PCDH15: variants seen among roughly 807,000 people sequenced by gnomAD.
PCDH15 encodes the protein protocadherin-15.
PCDH15 carries 129 observed loss-of-function variants against 178.5 expected under a neutral mutation model. The observed-to-expected ratio is 0.72, with a 90% CI of 0.63 to 0.84. The LOEUF is 0.84. Ranked by LOEUF, PCDH15 falls within the 40% of genes least tolerant of loss-of-function variation. The pLI, the probability that PCDH15 is intolerant of heterozygous loss-of-function variation, is 0.00. For missense variants in PCDH15, 2,230 were observed against 2,099.9 expected (o/e 1.06, Z -1.21); for synonymous variants, 800 against 732.0 (o/e 1.09, Z -1.50).
intron 9 of PCDH15, among the ~76,000 whole-genome samples, chr10:54,231,312 G>A (rs2054042094): frequency 6.6e-6 from 1 of 152,188 alleles, no homozygotes; most frequent in Non-Finnish European, 1.5e-5. Flanking sequence ...CCATAGCCTT[G>A]GCAGCTTCCA....
intron 2 of PCDH15, among the ~76,000 whole-genome samples, chr10:55,158,070 A>G (rs61850933): frequency 0.65 from 80,101 of 122,294 alleles, 23,393 homozygotes; most frequent in Non-Finnish European, 0.72. Context: ...ATATGTGTGT[A>G]TGTGTGTGTA....
At chr10:55,045,753 A>G (rs1840987542) in intron 2 of PCDH15, among the ~76,000 whole-genome samples, 1 of 152,048 alleles carries the variant, frequency 6.6e-6, no homozygotes, top group Admixed American at 6.6e-5. Flanking sequence ...CTCATGATAG[A>G]GCATTTTCAC....
intron 1 of PCDH15, among the ~76,000 whole-genome samples, chr10:55,264,627 T>G (rs1842233261): frequency 6.6e-6 from 1 of 152,182 alleles, no homozygotes; most frequent in Non-Finnish European, 1.5e-5. Flanking sequence ...ATTCCCTGTC[T>G]TTCAGAATCA....
At chr10:54,244,501 G>A (rs1337434407) in intron 8 of PCDH15, among the ~76,000 whole-genome samples, 1 of 152,192 alleles carries the variant, frequency 6.6e-6, no homozygotes, top group African/African-American at 2.4e-5. Flanking sequence ...TTGGTGACTT[G>A]TTCCACGCTG....
At chr10:54,268,356 T>C (rs1455011200) in intron 8 of PCDH15, among the ~76,000 whole-genome samples, 1 of 151,920 alleles carries the variant, frequency 6.6e-6, no homozygotes, top group Non-Finnish European at 1.5e-5. Flanking sequence ...CTTTTGGACA[T>C]TGACGTAGGC....
chr10:55,539,355 T>C (rs1433481616), intron 2 of PCDH15, among the ~76,000 whole-genome samples: 1 of 152,020 alleles, frequency 6.6e-6, no homozygotes, highest in Non-Finnish European at 1.5e-5. Flanking sequence ...TCATCATCAT[T>C]ATCATTATGA....
intron 2 of PCDH15, among the ~76,000 whole-genome samples, chr10:54,561,784 A>T (rs567282766): frequency 5.0e-4 from 76 of 152,060 alleles, no homozygotes; most frequent in African/African-American, 1.7e-3. Flanking sequence ...AATTCATTAA[A>T]ATGAAAAAAA....
At chr10:55,455,252 C>T (rs531785354) in intron 2 of PCDH15, among the ~76,000 whole-genome samples, 47 of 152,162 alleles carry the variant, frequency 3.1e-4, no homozygotes, top group African/African-American at 9.4e-4. Flanking sequence ...AATATAACTG[C>T]GTCTTGTGGA....
At chr10:54,509,146 C>G (rs1340377832) in intron 3 of PCDH15, among the ~76,000 whole-genome samples, 1 of 151,994 alleles carries the variant, frequency 6.6e-6, no homozygotes, top group African/African-American at 2.4e-5. Context: ...GTTATTGACA[C>G]TTATTGATGG....
intron 1 of PCDH15, among the ~76,000 whole-genome samples, chr10:54,765,593 A>G (rs1339237799): frequency 6.6e-6 from 1 of 152,178 alleles, no homozygotes; most frequent in East Asian, 1.9e-4. Context: ...TAAAACATCA[A>G]AAGTATTACC....
intron 1 of PCDH15, among the ~76,000 whole-genome samples, chr10:55,196,943 T>G (rs1286591809): frequency 1.3e-5 from 2 of 152,060 alleles, no homozygotes; most frequent in Admixed American, 6.5e-5. Context: ...TTTTAAAAAT[T>G]ATCACCTCTA....
chr10:54,151,707 A>G (rs1360242950), intron 14 of PCDH15, among the ~76,000 whole-genome samples: 1 of 152,214 alleles, frequency 6.6e-6, no homozygotes, highest in Non-Finnish European at 1.5e-5. Flanking sequence ...GTTCTTGGAT[A>G]GAAAGATTCA....
chr10:55,395,591 T>C (rs991586780), intron 2 of PCDH15, among the ~76,000 whole-genome samples: 2 of 152,124 alleles, frequency 1.3e-5, no homozygotes, highest in African/African-American at 2.4e-5. Context: ...TTTAAGCCTA[T>C]AGAATTTTCT....
chr10:55,517,529 AT>A (rs1841047015), intron 2 of PCDH15, among the ~76,000 whole-genome samples: 1 of 152,196 alleles, frequency 6.6e-6, no homozygotes, highest in South Asian at 2.1e-4. Context: ...GTTTTAGTAA[AT>A]AAAAAATAAG....
intron 8 of PCDH15, among the ~76,000 whole-genome samples, chr10:54,274,713 T>C (rs1342670155): frequency 6.6e-6 from 1 of 151,724 alleles, no homozygotes; most frequent in Non-Finnish European, 1.5e-5. Context: ...CGTGTTCGTA[T>C]TATGCAATTT....
chr10:55,225,915 G>C (rs1841023315), intron 1 of PCDH15, among the ~76,000 whole-genome samples: 1 of 152,010 alleles, frequency 6.6e-6, no homozygotes, highest in African/African-American at 2.4e-5. Flanking sequence ...CAAAGAGTAA[G>C]AGTGAGATAC....
chr10:54,159,304 T>G (rs4595452), intron 13 of PCDH15, among the ~76,000 whole-genome samples: 47,739 of 151,860 alleles, frequency 0.31, 8,099 homozygotes, highest in African/African-American at 0.43. Context: ...AGAACTACTG[T>G]AAAAGAGTGT....
intron 2 of PCDH15, among the ~76,000 whole-genome samples, chr10:55,127,287 T>A (rs1045692168): frequency 6.6e-6 from 1 of 152,084 alleles, no homozygotes; most frequent in African/African-American, 2.4e-5. Context: ...TGATGCTTTA[T>A]CATTTTATAC....
intron 2 of PCDH15, among the ~76,000 whole-genome samples, chr10:55,162,861 C>T (rs1591955801): frequency 1.3e-5 from 2 of 152,140 alleles, no homozygotes; most frequent in South Asian, 4.1e-4. Context: ...TATTACACAA[C>T]TTAGGCTTAA....
Sources: gnomAD v4.1 joint callset for allele counts (sites outside exome capture counted in the v4.1 genomes callset) on GRCh38, gnomAD v4.1.1 for gene constraint, MANE v1.5 for transcripts, NCBI Gene and HGNC (gene_info 2026-07-23, HGNC 2026-07-21) for gene names.